The following AFDN variants were observed in gnomAD, a reference collection of about 807,000 sequenced individuals.
The protein encoded by AFDN is afadin.
In AFDN, 68 loss-of-function variants were observed where a neutral mutation model predicts 216.6. The observed-to-expected ratio is 0.31, with a 90% CI of 0.26 to 0.38. AFDN has a LOEUF of 0.38. Ranked by LOEUF, AFDN falls within the 10% of genes least tolerant of loss-of-function variation. The pLI is 1.00. For synonymous variants in AFDN, 868 were observed against 853.7 expected (o/e 1.02, Z -0.29); for missense variants, 2,136 against 2,342.0 (o/e 0.91, Z 1.82).
intron 18 of AFDN, 85 bp from the exon 19 acceptor site, chr6:167,915,083 A>G: frequency 3.6e-6 from 5 of 1,380,500 alleles, no homozygotes; most frequent in Non-Finnish European, 3.0e-6. Context: ...TACCATAGGT[A>G]CCATTATCTA....
At chr6:167,923,220 C>G (rs1190939463) in intron 22 of AFDN, 1 of 289,006 alleles carries the variant, frequency 3.5e-6, no homozygotes, top group African/African-American at 2.2e-5. Context: ...TTGTACCAGT[C>G]TTAATACATA....
intron 26 of AFDN, 104 bp from the exon 27 acceptor site, chr6:167,946,603 A>G: frequency 2.0e-6 from 2 of 976,930 alleles, no homozygotes; most frequent in Non-Finnish European, 3.0e-6. Flanking sequence ...ATTGACCTTT[A>G]TCACCTTATT....
chr6:167,834,978 C>A (rs901311162), intron 1 of AFDN, among the ~76,000 whole-genome samples: 12 of 152,082 alleles, frequency 7.9e-5, no homozygotes, highest in African/African-American at 2.9e-4. Context: ...CAGAGTGAGA[C>A]CCCATCTCAA....
At chr6:167,871,945 C>A (rs2073650) in intron 3 of AFDN, among the ~76,000 whole-genome samples, 79,947 of 151,994 alleles carry the variant, frequency 0.53, 21,718 homozygotes, top group African/African-American at 0.59. Context: ...TCTTAGCTTG[C>A]TTGCTTGCTA....
intron 23 of AFDN, among the ~76,000 whole-genome samples, chr6:167,937,684 C>A (rs9355045): frequency 1.3e-5 from 2 of 152,184 alleles, no homozygotes; most frequent in Admixed American, 6.5e-5. Flanking sequence ...TAGAATGTGT[C>A]TTATTTGTGC....
At position 167,943,166 on chromosome 6, in the gene AFDN, C is replaced by A; in HGVS notation, c.3137C>A (p.Ser1046Ter). 6.2e-7 allele frequency: 1 copy of A among 1,613,810 alleles called. No homozygotes were observed. Among genetic ancestry groups the A allele is most frequent in the South Asian group, 1.1e-5 (1 of 90,988 alleles). The change falls in exon 24 of 34, where the codon TCG (serine) becomes TAG (stop). Residue 1046 changes from serine to a stop codon, truncating the protein, a stop_gained. Transcript: ENST00000683244. LOFTEE classifies it high-confidence loss of function. ...GATAAACTAGGAATCTATGTGAAGT[C>A]GGTTGTGAAAGGAGGTGCTGCAGAT... ...GQDKLGIYVK[S>*]VVKGGAADVD... is the part of the protein sequence containing the mutation.
intron 22 of AFDN, chr6:167,924,797 AC>A: frequency 1.7e-6 from 1 of 579,232 alleles, no homozygotes; most frequent in Non-Finnish European, 3.1e-6. Context: ...CATCTTTAAG[AC>A]TTGAGTCAAG....
In AFDN at chr6:167,880,525, A is replaced by C. The variant is rs1232015222; in HGVS notation, c.897+8A>C. The C allele has an allele frequency of 2.5e-6, 4 of 1,612,406 alleles. No individual in the cohort carries two copies. The South Asian group carries it at 3.3e-5, about 13-fold the overall frequency. On this transcript the variant is annotated splice_region_variant and intron_variant, in intron 6 of 33. Coordinates refer to ENST00000683244, the MANE Select transcript of AFDN (RefSeq NM_001386888.1). ...GATTACTGCATCGCCCGGGTAAGGA[A>C]CTTTATCAAATCAGTAGTTCTTTCT...
At chr6:167,887,897 G>A (rs979792501) in intron 6 of AFDN, among the ~76,000 whole-genome samples, 7 of 152,080 alleles carry the variant, frequency 4.6e-5, no homozygotes, top group African/African-American at 1.4e-4. Context: ...TATAATAAAG[G>A]GAGACAGAAA....
chr6:167,908,881 C>T (rs1583365753), intron 13 of AFDN, among the ~76,000 whole-genome samples: 1 of 152,084 alleles, frequency 6.6e-6, no homozygotes, highest in African/African-American at 2.4e-5. Flanking sequence ...ATAAGCACTA[C>T]TTAATTTAAC....
intron 6 of AFDN, among the ~76,000 whole-genome samples, chr6:167,886,536 T>TA (rs1258964915): frequency 6.6e-6 from 1 of 152,128 alleles, no homozygotes; most frequent in Non-Finnish European, 1.5e-5. Flanking sequence ...AGAGCTCTGT[T>TA]ACAATCCTGG....
chr6:167,962,964 G>GT lies in AFDN; in HGVS notation c.4968+398dup, dbSNP rs1369018547. ...GACCGTGGGAAGCAGTAGGAGCGTA[G>GT]TAAGACAGTTGGCTGCCATTCAACA... On this transcript the variant is annotated intron_variant, in intron 31 of 33. Coordinates refer to ENST00000683244, the MANE Select transcript of AFDN (RefSeq NM_001386888.1). The surrounding 1 kb of genome is among the most constrained non-coding windows in gnomAD (Gnocchi z 5.2). 4.0e-5 allele frequency: 44 copies of GT among 1,099,272 alleles called. No homozygotes were observed. In the Admixed American group the frequency reaches 2.0e-3, roughly 50 times the overall value. 68.1% of individuals were successfully genotyped at this position (1,099,272 alleles called of 1,614,324 possible). A position where few individuals can be genotyped will look rare whatever the true frequency, so the allele number is the denominator to read the frequency against.
intron 33 of AFDN, 134 bp downstream of exon 33, chr6:167,969,332 T>A (rs1311045045): frequency 5.7e-6 from 4 of 703,476 alleles, no homozygotes; most frequent in Non-Finnish European, 7.6e-6. Flanking sequence ...TAATTAGGAA[T>A]GCTATTGCCC....
intron 26 of AFDN, among the ~76,000 whole-genome samples, 183 bp from the exon 27 acceptor site, chr6:167,946,520 CTAAT>C (rs1167257184): frequency 6.6e-6 from 1 of 151,922 alleles, no homozygotes; most frequent in African/African-American, 2.4e-5. Context: ...CCCATCATTA[CTAAT>C]TAAGTAAAAA....
At chr6:167,927,679 G>T (rs542870369) in intron 23 of AFDN, among the ~76,000 whole-genome samples, 1 of 152,134 alleles carries the variant, frequency 6.6e-6, no homozygotes, top group African/African-American at 2.4e-5. Flanking sequence ...AGACCAAGAC[G>T]TGTGGGGTTC....
At chr6:167,898,145 C>A in intron 10 of AFDN, 60 bp from the exon 11 acceptor site, 1 of 1,576,486 alleles carries the variant, frequency 6.3e-7, no homozygotes, top group Non-Finnish European at 8.7e-7. Context: ...TTTTAACATT[C>A]TGTGTTTAAA....
chr6:167,960,447 A>C (rs1048200755), intron 30 of AFDN, among the ~76,000 whole-genome samples: 3 of 152,218 alleles, frequency 2.0e-5, no homozygotes, highest in African/African-American at 7.2e-5. Flanking sequence ...TAAAAGAACT[A>C]ATTGGTCTAT....
In AFDN at chr6:167,962,168, G is replaced by T. The variant is rs1378047560; in HGVS notation, c.4834-265G>T. ...GCTTGTTGAATGTGTGAATGTAGAT[G>T]ATAAATTCCATCTTATAGCCATGAT... is the stretch of plus-strand genomic sequence containing the variant. On this transcript the variant is annotated intron_variant, in intron 30 of 33. Coordinates refer to ENST00000683244, the MANE Select transcript of AFDN (RefSeq NM_001386888.1). This position sits in a 1 kb window ranked among gnomAD's most constrained non-coding sequence, Gnocchi z 5.2. Among the ~76,000 whole-genome samples the T allele has an allele frequency of 6.6e-6, 1 of 152,198 alleles. No individual in the cohort carries two copies. Among genetic ancestry groups the T allele is most frequent in the East Asian group, 1.9e-4 (1 of 5,202 alleles).
At chr6:167,896,999 A>C in intron 10 of AFDN, 27 bp downstream of exon 10, 1 of 1,346,122 alleles carries the variant, frequency 7.4e-7, no homozygotes, top group Non-Finnish European at 1.1e-6. Context: ...TCCTGCTGCA[A>C]CTCTGACATT....
Sources: allele counts gnomAD v4.1 joint callset (sites outside exome capture counted in the v4.1 genomes callset), GRCh38; gene constraint gnomAD v4.1.1; non-coding constraint Gnocchi (gnomAD v3.1); transcripts MANE v1.5; gene names NCBI Gene and HGNC (gene_info 2026-07-23, HGNC 2026-07-21).